KATNAL2: variants seen among roughly 807,000 people sequenced by gnomAD.
KATNAL2 encodes katanin p60 ATPase-containing subunit A-like 2.
A neutral mutation model predicts 76.3 loss-of-function variants in KATNAL2; 52 were observed. That is an observed-to-expected ratio of 0.68 (90% confidence interval 0.55 to 0.86). The LOEUF is 0.86. Among genes scored for constraint, KATNAL2 ranks in the 40% least tolerant of loss-of-function variants. The pLI is 0.00. For synonymous variants in KATNAL2, 243 were observed against 244.2 expected (o/e 1.00, Z 0.05); for missense variants, 660 against 668.9 (o/e 0.99, Z 0.15).
intron 3 of KATNAL2, chr18:47,034,947 CT>C: frequency 6.2e-7 from 1 of 1,611,668 alleles, no homozygotes; most frequent in Middle Eastern, 2.3e-4. Flanking sequence ...AGGCCTTTTC[CT>C]GGTCCTGAAG....
At chr18:47,063,934 C>A (rs1485295734) in intron 10 of KATNAL2, among the ~76,000 whole-genome samples, 4 of 152,244 alleles carry the variant, frequency 2.6e-5, no homozygotes, top group East Asian at 1.9e-4. Context: ...GGGCAAGTTC[C>A]TGGGAAATAA....
chr18:46,938,480 A>T (rs554756059), intron 1 of KATNAL2, among the ~76,000 whole-genome samples: 1 of 152,334 alleles, frequency 6.6e-6, no homozygotes, highest in East Asian at 1.9e-4. Context: ...GAAGGTGAAT[A>T]TATCAATGTA....
In KATNAL2 at chr18:47,100,847, T is replaced by C. The variant is rs1165860733; in HGVS notation, c.1478-19T>C. On this transcript the variant is annotated intron_variant, in intron 17 of 17. Coordinates refer to ENST00000683218, the MANE Select transcript of KATNAL2 (RefSeq NM_001387690.1). ...AAGAGGTCGATTGTTGTGCTGTTAC[T>C]GTTGTGTTCTTATCCTAGAAAGCAG... 6.2e-7 allele frequency: 1 copy of C among 1,614,134 alleles called. No homozygotes were observed. The highest frequency in any genetic ancestry group is 2.2e-5 in the East Asian group (1 of 44,874).
intron 15 of KATNAL2, among the ~76,000 whole-genome samples, chr18:47,090,490 C>A (rs1015773607): frequency 6.6e-6 from 1 of 152,128 alleles, no homozygotes; most frequent in Non-Finnish European, 1.5e-5. Flanking sequence ...GGTCCATAAT[C>A]TTTGGCCTCT....
intron 1 of KATNAL2, among the ~76,000 whole-genome samples, chr18:46,935,658 C>T (rs2059066841): frequency 6.6e-6 from 1 of 152,150 alleles, no homozygotes; most frequent in Non-Finnish European, 1.5e-5. Flanking sequence ...TGGCTCACAC[C>T]TGTAATCCCA....
At chr18:46,923,984 T>C (rs781127566) in intron 1 of KATNAL2, among the ~76,000 whole-genome samples, 12 of 152,248 alleles carry the variant, frequency 7.9e-5, no homozygotes, top group South Asian at 4.2e-4. Context: ...AGCCCTTTGT[T>C]GGATGAGTAG....
intron 10 of KATNAL2, among the ~76,000 whole-genome samples, chr18:47,065,044 G>A (rs535005725): frequency 2.0e-5 from 3 of 152,318 alleles, no homozygotes; most frequent in South Asian, 2.1e-4. Flanking sequence ...AATGTGAGTG[G>A]CTGGTGGGCC....
intron 8 of KATNAL2, among the ~76,000 whole-genome samples, chr18:47,060,061 A>G (rs1463590188): frequency 1.3e-5 from 2 of 151,242 alleles, no homozygotes; most frequent in Non-Finnish European, 2.9e-5. Context: ...TAATGGTGCA[A>G]TCATGGCTCA....
chr18:47,070,068 T>C (rs1015470430), intron 13 of KATNAL2, among the ~76,000 whole-genome samples: 1 of 151,386 alleles, frequency 6.6e-6, no homozygotes, highest in African/African-American at 2.4e-5. Context: ...GCTTCCATAG[T>C]GCCCATAGCC....
At position 47,058,289 on chromosome 18, in the gene KATNAL2, G is replaced by C. The variant is rs150471899; in HGVS notation, c.387G>C (p.Arg129=). 3.1e-6 allele frequency: 5 copies of C among 1,613,940 alleles called. No homozygotes were observed. The African/African-American group carries it at 6.7e-5, about 22-fold the overall frequency. ...NLPKINQQRP[R]SKTTAGKTGD... Reference sequence around the variant, plus strand: ...CCAAGATCAATCAGCAGAGGCCCCGGTCCAAAACCACAGCGGGGAAGACAG... The same window carrying C: ...CCAAGATCAATCAGCAGAGGCCCCGCTCCAAAACCACAGCGGGGAAGACAG... Residue 129 remains arginine, a synonymous_variant, in exon 7 of 18, where the codon CGG becomes CGC. Transcript: ENST00000683218.
intron 14 of KATNAL2, 54 bp from the exon 15 acceptor site, chr18:47,077,297 T>C: frequency 7.4e-7 from 1 of 1,359,176 alleles, no homozygotes; most frequent in Admixed American, 1.7e-5. Flanking sequence ...GCTGCTCTTG[T>C]CATGAGGGCG....
At chr18:47,094,015 A>G (rs1250594761) in intron 15 of KATNAL2, among the ~76,000 whole-genome samples, 1 of 152,198 alleles carries the variant, frequency 6.6e-6, no homozygotes, top group Admixed American at 6.5e-5. Flanking sequence ...TTAATCCCCA[A>G]TGCAACAGTG....
At chr18:47,096,526 G>T (rs915514709) in intron 15 of KATNAL2, among the ~76,000 whole-genome samples, 2 of 151,980 alleles carry the variant, frequency 1.3e-5, no homozygotes, top group African/African-American at 4.8e-5. Flanking sequence ...ATTGTGCAGA[G>T]ACGGGGTCTC....
At chr18:46,955,183 T>TTTCC (rs2059704394) in intron 3 of KATNAL2, among the ~76,000 whole-genome samples, 17 of 147,582 alleles carry the variant, frequency 1.2e-4, no homozygotes, top group South Asian at 4.3e-4. Flanking sequence ...TCTTTCTTTC[T>TTTCC]TTCCTCTCTC....
In KATNAL2 at chr18:47,067,040, C is replaced by T; in HGVS notation, c.746C>T (p.Pro249Leu). The change falls in exon 11 of 18, where the codon CCA becomes CTA. Residue 249 changes from proline to leucine, a missense_variant. By Grantham distance (98) the Pro-to-Leu change is moderately conservative. Transcript: ENST00000683218. ...TTGCAGGACATTTATCTCCATAATC[C>T]AAACATAAAGTGGAATGACATTATT... Reference protein sequence around the residue: ...VVSRDIYLHNPNIKWNDIIGL... With the variant: ...VVSRDIYLHNLNIKWNDIIGL... The T allele has an allele frequency of 1.3e-6, 2 of 1,587,060 alleles. No homozygotes were observed. Among genetic ancestry groups the T allele is most frequent in the Non-Finnish European group, 1.7e-6 (2 of 1,161,886 alleles).
At chr18:47,082,335 C>T (rs2062565806) in intron 15 of KATNAL2, among the ~76,000 whole-genome samples, 1 of 152,168 alleles carries the variant, frequency 6.6e-6, no homozygotes, top group South Asian at 2.1e-4. Flanking sequence ...GCAGTTGTGA[C>T]AACCAAAATA....
At chr18:47,054,349 A>G (rs767274123) in intron 5 of KATNAL2, 47 bp from the exon 6 acceptor site, 46 of 1,530,770 alleles carry the variant, frequency 3.0e-5, no homozygotes, top group Non-Finnish European at 3.9e-5. Flanking sequence ...TCACTTTGTC[A>G]CTCTTAAAAT....
intron 15 of KATNAL2, among the ~76,000 whole-genome samples, chr18:47,091,963 T>C (rs1194529433): frequency 6.6e-6 from 1 of 152,194 alleles, no homozygotes; most frequent in Non-Finnish European, 1.5e-5. Flanking sequence ...GCTTATTTTC[T>C]CTTCCCTTGG....
At chr18:47,097,739 C>T (rs891366149) in intron 15 of KATNAL2, among the ~76,000 whole-genome samples, 16 of 152,120 alleles carry the variant, frequency 1.1e-4, no homozygotes, top group Non-Finnish European at 1.5e-4. Context: ...TATTTTTTAA[C>T]TTTTATTTAA....
Sources: allele counts gnomAD v4.1 joint callset (sites outside exome capture counted in the v4.1 genomes callset), GRCh38; gene constraint gnomAD v4.1.1; transcripts MANE v1.5; gene names NCBI Gene and HGNC (gene_info 2026-07-23, HGNC 2026-07-21).